Variants in NMUR1 observed in about 807,000 individuals in gnomAD.
NMUR1 encodes the protein neuromedin U receptor 1.
NMUR1 carries 16 observed loss-of-function variants against 18.8 expected under a neutral mutation model. That is an observed-to-expected ratio of 0.85 (90% CI 0.58 to 1.29). The LOEUF (loss-of-function observed/expected upper bound fraction) is 1.29. Among genes scored for constraint, NMUR1 ranks in the 50% most tolerant of loss-of-function variants. The pLI, the probability that NMUR1 is intolerant of heterozygous loss-of-function variation, is 0.00. For synonymous variants in NMUR1, 258 were observed against 258.2 expected (o/e 1.00, Z 0.01); for missense variants, 529 against 580.3 (o/e 0.91, Z 0.91).
intron 2 of NMUR1, among the ~76,000 whole-genome samples, chr2:231,527,448 G>A (rs900108680): frequency 3.9e-5 from 6 of 152,052 alleles, no homozygotes; most frequent in Non-Finnish European, 8.8e-5. Flanking sequence ...TTCAAGATCC[G>A]CTCTGGCAAC....
Position 231,524,842 on chromosome 2 carries a change from G to T in NMUR1, c.*201C>A, listed in dbSNP as rs187912230. The T allele has an allele frequency of 1.8e-6, 1 of 566,122 alleles. No individual in the cohort carries two copies. The highest frequency in any genetic ancestry group is 3.0e-6 in the Non-Finnish European group (1 of 338,102). The allele number at this position is 566,122 out of a possible 1,614,324, so 35.1% of individuals were successfully genotyped here. A position where few individuals can be genotyped will look rare whatever the true frequency, so the allele number is the denominator to read the frequency against. On this transcript the variant is annotated 3_prime_UTR_variant, in exon 3 of 3. Transcript: ENST00000305141. ...ACAGATAAGAAGCACAAGGTGTGGC[G>T]TCTGGTCAGTGTGAGTCCTCAGCAG...
downstream of NMUR1, among the ~76,000 whole-genome samples, chr2:231,522,280 C>T (rs11688650): frequency 0.28 from 41,744 of 151,336 alleles, 6,374 homozygotes; most frequent in East Asian, 0.5. Context: ...CCACCATGCC[C>T]GGCCCAGAGG....
chr2:231,525,276 C>T lies in NMUR1; in HGVS notation c.1048G>A (p.Ala350Thr). The change falls in exon 3 of 3, where the codon GCG (alanine) becomes ACG (threonine). Residue 350 changes from alanine (A) to threonine (T), a missense_variant. Physicochemically the swap from Ala to Thr is moderately conservative, Grantham distance 58. Coordinates refer to ENST00000305141, the MANE Select transcript of NMUR1 (RefSeq NM_006056.5). ...AGGCTATAGAGCACGGGGTTGGCCG[C>T]CGAGCCCAGGTAGAAGAAGATGCCG... ...ISGIFFYLGS[A>T]ANPVLYSLMS... is the part of the protein sequence containing the mutation. 1 of 1,614,176 alleles carries T rather than the reference C, an allele frequency of 6.2e-7. No homozygotes were observed. The highest frequency in any genetic ancestry group is 8.5e-7 in the Non-Finnish European group (1 of 1,180,048).
chr2:231,530,046 T>C (rs1282738906), intron 1 of NMUR1, among the ~76,000 whole-genome samples: 1 of 152,146 alleles, frequency 6.6e-6, no homozygotes, highest in East Asian at 1.9e-4. Flanking sequence ...CCCCACACCC[T>C]TCCTCCCGCC....
chr2:231,518,779 G>C (rs562096468), downstream of NMUR1, among the ~76,000 whole-genome samples: 1 of 152,360 alleles, frequency 6.6e-6, no homozygotes, highest in Non-Finnish European at 1.5e-5. Flanking sequence ...CGCGCCAGCA[G>C]TGATGATAGT....
At position 231,528,888 on chromosome 2, in the gene NMUR1, C is replaced by T. The variant is rs773883370; in HGVS notation, c.133G>A (p.Glu45Lys). 15 of 1,614,062 alleles carry T rather than the reference C, an allele frequency of 9.3e-6. No homozygotes were observed. Among genetic ancestry groups the T allele is most frequent in the Admixed American group, 1.7e-5 (1 of 60,000 alleles). Residue 45 changes from glutamate (E) to lysine (K), a missense_variant, in exon 2 of 3, where the codon GAG (glutamate) becomes AAG (lysine). Transcript: ENST00000305141. The stretch of plus-strand genomic sequence containing the variant: ...CCCAGGTACTTGAGTCTCAGTGCCT[C>T]GTCAGTCAGGTTCAAGTCCTCAGGG... ...FDPEDLNLTD[E>K]ALRLKYLGPQ...
intron 2 of NMUR1, among the ~76,000 whole-genome samples, chr2:231,527,421 T>C (rs1266967996): frequency 6.6e-6 from 1 of 151,986 alleles, no homozygotes; most frequent in Non-Finnish European, 1.5e-5. Flanking sequence ...GGTGGGAGGA[T>C]CACTTGAGAC....
Position 231,525,365 on chromosome 2 carries a change from C to T in NMUR1, c.959G>A (p.Trp320Ter), listed in dbSNP as rs2047345926. The T allele has an allele frequency of 1.9e-6, 3 of 1,613,970 alleles. No individual in the cohort carries two copies. The highest frequency in any genetic ancestry group is 1.3e-5 in the African/African-American group (1 of 74,930). Residue 320 changes from tryptophan (W) to a stop codon, truncating the protein, a stop_gained, in exon 3 of 3, where the codon TGG (tryptophan) becomes TAG (stop). Transcript: ENST00000305141. LOFTEE classifies it low-confidence loss of function (END_TRUNC). ...WAPFHADRVM[W>*]SVVSQWTDGL... ...ATCTGTCCACTGTGACACGACGCTC[C>T]ACATGACGCGGTCGGCGTGGAACGG...
chr2:231,527,467 A>AC (rs1053992329), intron 2 of NMUR1, among the ~76,000 whole-genome samples: 16 of 152,012 alleles, frequency 1.1e-4, no homozygotes, highest in Non-Finnish European at 2.1e-4. Flanking sequence ...ACATAGTGAG[A>AC]CCCCGTCTCT....
In NMUR1 at chr2:231,525,336, G is replaced by A. The variant is rs1333123928; in HGVS notation, c.988C>T (p.Leu330=). The change falls in exon 3 of 3, where the codon CTG becomes TTG. Residue 330 remains leucine, a synonymous_variant. Coordinates refer to ENST00000305141, the MANE Select transcript of NMUR1 (RefSeq NM_006056.5). ...TGCACGTGCTGGAAGGCCAGGTGCA[G>A]GCCATCTGTCCACTGTGACACGACG... ...WSVVSQWTDG[L]HLAFQHVHVI... 1 of 1,613,902 alleles carries A rather than the reference G, an allele frequency of 6.2e-7. No individual in the cohort carries two copies. The highest frequency in any genetic ancestry group is 1.7e-5 in the Admixed American group (1 of 60,018).
intron 1 of NMUR1, among the ~76,000 whole-genome samples, chr2:231,529,546 A>T (rs1053934370): frequency 5.9e-5 from 9 of 151,892 alleles, no homozygotes; most frequent in Admixed American, 2.6e-4. Flanking sequence ...AAATTTCATG[A>T]TCTATTGGAA....
rs376710654 is a variant in NMUR1 at position 231,525,389 on chromosome 2, G to A, written c.935C>T (p.Pro312Leu). Residue 312 changes from proline (P) to leucine (L), a missense_variant, in exon 3 of 3, where the codon CCG becomes CTG. Coordinates refer to ENST00000305141, the MANE Select transcript of NMUR1 (RefSeq NM_006056.5). ...LVVVFGICWA[P>L]FHADRVMWSV... ...CCACATGACGCGGTCGGCGTGGAAC[G>A]GGGCCCAGCAGATGCCAAACACCAC... The A allele has an allele frequency of 5.3e-5, 86 of 1,613,414 alleles. No individual in the cohort carries two copies. Among genetic ancestry groups the A allele is most frequent in the East Asian group, 1.3e-4 (6 of 44,888 alleles).
rs531166897 is a variant in NMUR1, at chr2:231,523,544, A to C, written c.*1499T>G. 4.5e-6 allele frequency: 1 copy of C among 222,116 alleles called. No homozygotes were observed. Among genetic ancestry groups the C allele is most frequent in the Admixed American group, 5.8e-5 (1 of 17,276 alleles). 13.8% of individuals were successfully genotyped at this position (222,116 alleles called of 1,614,324 possible). On this transcript the variant is annotated 3_prime_UTR_variant, in exon 3 of 3. Transcript: ENST00000305141. The stretch of plus-strand genomic sequence containing the variant: ...TATAATTGAATTTTTAAAACTAAAC[A>C]TCTGCAACCCTGTACCACGTCCTCC...
intron 2 of NMUR1, among the ~76,000 whole-genome samples, chr2:231,527,634 T>A (rs2047368978): frequency 1.8e-5 from 2 of 109,512 alleles, no homozygotes; most frequent in African/African-American, 3.5e-5. Flanking sequence ...CAAGACCCTG[T>A]CTCAAAAAAA....
chr2:231,525,113 A>C lies in NMUR1; in HGVS notation c.1211T>G (p.Leu404Arg), dbSNP rs765409433. The C allele has an allele frequency of 1.2e-5, 19 of 1,613,022 alleles. No individual in the cohort carries two copies. The South Asian group carries it at 2.0e-4, about 17-fold the overall frequency. ...TGSTLCDVGS[L>R]GSWVHPLAGN... is the part of the protein sequence containing the mutation. ...AGCCAGGGGGTGGACCCAGCTGCCC[A>C]GGGAGCCCACATCACACAGGGTGCT... Residue 404 changes from leucine (L) to arginine (R), a missense_variant, in exon 3 of 3, where the codon CTG (leucine) becomes CGG (arginine). Transcript: ENST00000305141.
At chr2:231,521,538 G>C (rs1025182911), downstream of NMUR1, among the ~76,000 whole-genome samples, 3 of 152,170 alleles carry the variant, frequency 2.0e-5, no homozygotes, top group Non-Finnish European at 4.4e-5. Flanking sequence ...CAGAGCTGCA[G>C]GAACCATCAG....
chr2:231,530,277 T>C (rs981852406), intron 1 of NMUR1, 82 bp downstream of exon 1: 1 of 1,468,496 alleles, frequency 6.8e-7, no homozygotes, highest in Non-Finnish European at 9.0e-7. Flanking sequence ...CTCGGACCCT[T>C]CCCGCCCTAG....
Position 231,523,981 on chromosome 2 carries a change from G to T in NMUR1, c.*1062C>A. On this transcript the variant is annotated 3_prime_UTR_variant, in exon 3 of 3. Transcript: ENST00000305141. The stretch of plus-strand genomic sequence containing the variant: ...TGCACGTATGTGAGGACGGAGGTGG[G>T]CTGTGGTGGTGGGGTCTGCTTGCAT... 6.6e-6 allele frequency: 1 copy of T among 152,582 alleles called. No homozygotes were observed. 9.5% of individuals were successfully genotyped at this position (152,582 alleles called of 1,614,324 possible). A position where few individuals can be genotyped will look rare whatever the true frequency, so the allele number is the denominator to read the frequency against.
At chr2:231,527,129 C>G (rs1434060028) in intron 2 of NMUR1, among the ~76,000 whole-genome samples, 1 of 151,904 alleles carries the variant, frequency 6.6e-6, no homozygotes, top group African/African-American at 2.4e-5. Flanking sequence ...TTGCTCCCCC[C>G]AGATCTCACT....
Sources: allele counts gnomAD v4.1 joint callset (sites outside exome capture counted in the v4.1 genomes callset), GRCh38; gene constraint gnomAD v4.1.1; transcripts MANE v1.5; gene names NCBI Gene and HGNC (gene_info 2026-07-23, HGNC 2026-07-21).